TTN: variants seen among roughly 807,000 people sequenced by gnomAD.
TTN encodes the protein titin.
In TTN, 1,525 loss-of-function variants were observed where a neutral mutation model predicts 3,223.0. That is an observed-to-expected ratio of 0.47 (90% confidence interval 0.45 to 0.49). The LOEUF is 0.49. TTN is among the 20% of genes least tolerant of loss of function. The pLI is 0.00. For missense variants in TTN, 40,786 were observed against 43,424.0 expected, an observed-to-expected ratio of 0.94 and a Z score of 5.40; for synonymous variants, 14,094 against 15,161.0, an observed-to-expected ratio of 0.93 and a Z score of 5.17.
chr2:178,775,038 C>T lies in TTN; in HGVS notation c.6673G>A (p.Asp2225Asn). 1 of 1,614,008 alleles carries T rather than the reference C, an allele frequency of 6.2e-7. No homozygotes were observed. Among genetic ancestry groups the T allele is most frequent in the Non-Finnish European group, 8.5e-7 (1 of 1,179,944 alleles). Residue 2225 changes from aspartate to asparagine, a missense_variant, in exon 29 of 363, where the codon GAC becomes AAC. Transcript: ENST00000589042. ...HEGDKYRMHSDRKVHFLSILT... is the reference protein window; with the variant it reads ...HEGDKYRMHSNRKVHFLSILT... Reference sequence around the variant, plus strand: ...ATGGAGAGGAAGTGAACCTTTCTGTCAGAGTGCATCCTGTATTTATCTCCC... The same window carrying T: ...ATGGAGAGGAAGTGAACCTTTCTGTTAGAGTGCATCCTGTATTTATCTCCC...
rs2050867556 is a variant in TTN, at chr2:178,594,050, T to C, written c.58343A>G (p.Lys19448Arg). 1.9e-6 allele frequency: 3 copies of C among 1,613,434 alleles called. No homozygotes were observed. The highest frequency in any genetic ancestry group is 3.3e-5 in the Admixed American group (2 of 59,954). Residue 19448 changes from lysine (K) to arginine (R), a missense_variant, in exon 297 of 363, where the codon AAG becomes AGG. Lys to Arg is a conservative substitution (Grantham distance 26). Coordinates refer to ENST00000589042, the MANE Select transcript of TTN (RefSeq NM_001267550.2). ...TPATLALEKI[K>R]AKRSDSGKYC... ...TTTGCCGGAATCTGAACGTTTGGCC[T>C]TGATCTTCTCTAAAGCAAGTGTTGC...
Position 178,712,703 on chromosome 2 carries a change from T to G in TTN, c.27322A>C (p.Ile9108Leu). 6.2e-7 allele frequency: 1 copy of G among 1,612,656 alleles called. No individual in the cohort carries two copies. Among genetic ancestry groups the G allele is most frequent in the Non-Finnish European group, 8.5e-7 (1 of 1,178,786 alleles). The change falls in exon 94 of 363, where the codon ATA becomes CTA. Residue 9108 changes from isoleucine to leucine, a missense_variant. Ile to Leu is a conservative substitution (Grantham distance 5). Transcript: ENST00000589042. ...GKASCTTHLY[I>L]KAPAKFVKRL... Reference sequence around the variant, plus strand: ...GAAGAGCAGTCTGACAAACCTTTTATGTAGAGATGTGTTGTACAAGAAGCC... The same window carrying G: ...GAAGAGCAGTCTGACAAACCTTTTAGGTAGAGATGTGTTGTACAAGAAGCC...
chr2:178,799,367 A>G, intron 6 of TTN, 120 bp downstream of exon 6: 1 of 1,492,078 alleles, frequency 6.7e-7, no homozygotes, highest in South Asian at 1.2e-5. Flanking sequence ...GCAGCGGGAC[A>G]CTGAAGAAGC....
rs1691033741 is a variant in TTN at position 178,535,525 on chromosome 2, T to G, written c.101090A>C (p.Lys33697Thr). 1 of 1,613,896 alleles carries G rather than the reference T, an allele frequency of 6.2e-7. No homozygotes were observed. The highest frequency in any genetic ancestry group is 8.5e-7 in the Non-Finnish European group (1 of 1,179,824). ...ADVPDPPRGVKVSDVSRDSVN... is the reference protein window; with the variant it reads ...ADVPDPPRGVTVSDVSRDSVN... Reference sequence around the variant, plus strand: ...AGAATCTCGTGAGACATCACTAACTTTGACTCCTCTGGGTGGGTCAGGAAC... The same window carrying G: ...AGAATCTCGTGAGACATCACTAACTGTGACTCCTCTGGGTGGGTCAGGAAC... The change falls in exon 358 of 363, where the codon AAA becomes ACA. Residue 33697 changes from lysine (K) to threonine (T), a missense_variant. By Grantham distance (78) the Lys-to-Thr change is moderately conservative. Coordinates refer to ENST00000589042, the MANE Select transcript of TTN (RefSeq NM_001267550.2).
Position 178,576,730 on chromosome 2 carries a change from T to C in TTN, c.69514A>G (p.Thr23172Ala). ...RPVDDGGSEITGYHVERREKK... is the reference protein window; with the variant it reads ...RPVDDGGSEIAGYHVERREKK... ...TCTCTCCTTTCTACATGATATCCTG[T>C]AATTTCGCTGCCACCATCATCCACT... is the stretch of plus-strand genomic sequence containing the variant. The change falls in exon 325 of 363, where the codon ACA becomes GCA. Residue 23172 changes from threonine to alanine, a missense_variant. Physicochemically the swap from Thr to Ala is moderately conservative, Grantham distance 58. Transcript: ENST00000589042. This position sits in a 1 kb window ranked among gnomAD's most constrained non-coding sequence, Gnocchi z 4.3. 1 of 1,613,562 alleles carries C rather than the reference T, an allele frequency of 6.2e-7. No individual in the cohort carries two copies. The highest frequency in any genetic ancestry group is 8.5e-7 in the Non-Finnish European group (1 of 1,179,610).
In TTN at chr2:178,575,338, T is replaced by C; in HGVS notation, c.70794A>G (p.Gly23598=). The change falls in exon 326 of 363, where the codon GGA becomes GGG. Residue 23598 remains glycine, a synonymous_variant. Coordinates refer to ENST00000589042, the MANE Select transcript of TTN (RefSeq NM_001267550.2). The surrounding 1 kb of genome is among the most constrained non-coding windows in gnomAD (Gnocchi z 4.0). ...LECVVRNLTE[G]EEYTFQVMAV... is the part of the protein sequence containing the mutation. ...CCATCACTTGGAAGGTATATTCCTC[T>C]CCTTCAGTTAGATTCCTCACAACAC... 6.2e-7 allele frequency: 1 copy of C among 1,613,558 alleles called. No individual in the cohort carries two copies. Among genetic ancestry groups the C allele is most frequent in the Non-Finnish European group, 8.5e-7 (1 of 1,179,656 alleles).
At position 178,554,118 on chromosome 2, in the gene TTN, T is replaced by A; in HGVS notation, c.88993A>T (p.Ile29665Leu). The change falls in exon 333 of 363, where the codon ATA becomes TTA. Residue 29665 changes from isoleucine to leucine, a missense_variant. Transcript: ENST00000589042. ...CGTTTTTCAAGGAAATAGCCACTTA[T>A]ATCACTACCGCCATCTGCAATTGGC... Reference protein sequence around the residue: ...SRPIADGGSDISGYFLEKRDK... With the variant: ...SRPIADGGSDLSGYFLEKRDK... 6.2e-7 allele frequency: 1 copy of A among 1,613,894 alleles called. No individual in the cohort carries two copies. The highest frequency in any genetic ancestry group is 8.5e-7 in the Non-Finnish European group (1 of 1,179,818).
chr2:178,583,055 C>T lies in TTN; in HGVS notation c.65748G>A (p.Arg21916=). The change falls in exon 313 of 363, where the codon CGG becomes CGA. Residue 21916 remains arginine, a synonymous_variant. Transcript: ENST00000589042. ...PAEGIKMAMQ[R]NLCTLELFSV... ...TGAATAGCTCCAAGGTGCACAGATT[C>T]CGCTGCATGGCCATCTTTATGCCTT... 3.1e-6 allele frequency: 5 copies of T among 1,611,294 alleles called. No individual in the cohort carries two copies. Among genetic ancestry groups the T allele is most frequent in the Non-Finnish European group, 3.4e-6 (4 of 1,178,496 alleles).
chr2:178,707,286 T>C (rs947017148), intron 100 of TTN, among the ~76,000 whole-genome samples: 1 of 152,224 alleles, frequency 6.6e-6, no homozygotes, highest in East Asian at 1.9e-4. Context: ...TTAATGGATA[T>C]GGTGAAAAGA....
chr2:178,757,229 A>ACTGTACTTGCTTTATGT (rs1398848581), intron 45 of TTN, among the ~76,000 whole-genome samples: 1 of 149,626 alleles, frequency 6.7e-6, no homozygotes, highest in Non-Finnish European at 1.5e-5. Context: ...AGTAAGTAAT[A>ACTGTACTTGCTTTATGT]ATCAGCAAAT....
rs568377742 is a variant in TTN, at chr2:178,691,011, C to T, written c.31762+1005G>A. ...AACAATGGATTTAATTTATCTAAGA[C>T]GATCTGTCTCAAGTAGCTTTAGTAT... On this transcript the variant is annotated intron_variant, in intron 121 of 362. Transcript: ENST00000589042. Among the ~76,000 whole-genome samples, 23 of 152,200 alleles carry T rather than the reference C, an allele frequency of 1.5e-4. No individual in the cohort carries two copies. In the South Asian group the frequency reaches 4.6e-3, roughly 30 times the overall value.
Position 178,727,621 on chromosome 2 carries a change from C to G in TTN, c.19957G>C (p.Gly6653Arg). The G allele has an allele frequency of 6.3e-7, 1 of 1,596,990 alleles. No individual in the cohort carries two copies. Among genetic ancestry groups the G allele is most frequent in the Non-Finnish European group, 8.5e-7 (1 of 1,171,706 alleles). ...AACATCGTAGTACAAGAGTCGCTAC[C>G]AACATCATTGGTAACATGGCAAGTA... ...QYTCHVTNDV[G>R]SDSCTTMLLV... is the part of the protein sequence containing the mutation. Residue 6653 changes from glycine (G) to arginine (R), a missense_variant, in exon 68 of 363, where the codon GGT becomes CGT. Gly to Arg is a moderately radical substitution (Grantham distance 125, BLOSUM62 -2). Coordinates refer to ENST00000589042, the MANE Select transcript of TTN (RefSeq NM_001267550.2).
chr2:178,652,531 A>G lies in TTN; in HGVS notation c.39054T>C (p.Ala13018=), dbSNP rs758892590. ...TCTTTTCAGGAACAACTTCTTTCGG[A>G]GCCTCTGGCACTTAAAAGATATTAG... ...PEVPPVKVPE[A]PKEVVPEKKV... The change falls in exon 202 of 363, where the codon GCT becomes GCC. Residue 13018 remains alanine (A), a synonymous_variant. Transcript: ENST00000589042. The G allele has an allele frequency of 6.2e-7, 1 of 1,613,482 alleles. No individual in the cohort carries two copies.
At chr2:178,761,244 T>C (rs2089126728) in intron 43 of TTN, among the ~76,000 whole-genome samples, 1 of 152,138 alleles carries the variant, frequency 6.6e-6, no homozygotes, top group African/African-American at 2.4e-5. Flanking sequence ...ACTGCCAGTC[T>C]TGCCTCCCAC....
intron 43 of TTN, among the ~76,000 whole-genome samples, chr2:178,763,031 G>C (rs1442104955): frequency 6.6e-6 from 1 of 152,210 alleles, no homozygotes; most frequent in African/African-American, 2.4e-5. Flanking sequence ...ACAAGGTAGA[G>C]ATTGGATTAT....
chr2:178,591,006 C>T lies in TTN; in HGVS notation c.60719G>A (p.Cys20240Tyr), dbSNP rs1054918425. 5.0e-6 allele frequency: 8 copies of T among 1,613,500 alleles called. No homozygotes were observed. The highest frequency in any genetic ancestry group is 2.2e-5 in the East Asian group (1 of 44,820). ...TGCTCTAACTCGGAAAACATATTCA[C>T]AGCCCTTCTGCAGATGTGGGATTTT... Reference protein sequence around the residue: ...KLKIPHLQKGCEYVFRVRAEN... With the variant: ...KLKIPHLQKGYEYVFRVRAEN... Residue 20240 changes from cysteine to tyrosine, a missense_variant, in exon 304 of 363, where the codon TGT becomes TAT. Coordinates refer to ENST00000589042, the MANE Select transcript of TTN (RefSeq NM_001267550.2).
chr2:178,747,132 C>T (rs759923770), intron 47 of TTN: 60 of 1,605,916 alleles, frequency 3.7e-5, no homozygotes, highest in Non-Finnish European at 4.8e-5. Flanking sequence ...TCCAGAGTCT[C>T]TCCTGGGGGT....
chr2:178,600,047 G>A (rs542902015), intron 288 of TTN, among the ~76,000 whole-genome samples, 197 bp from the exon 289 acceptor site: 1 of 151,968 alleles, frequency 6.6e-6, no homozygotes, highest in East Asian at 2.0e-4. Context: ...ATCTTTTATT[G>A]GATCTACATG....
chr2:178,708,284 GTGAT>G (rs553344367), intron 99 of TTN, among the ~76,000 whole-genome samples: 306 of 152,276 alleles, frequency 2.0e-3, no homozygotes, highest in Middle Eastern at 6.8e-3. Context: ...ATATTTATAT[GTGAT>G]TTTCTCTGAT....
Sources: gnomAD v4.1 joint callset for allele counts (sites outside exome capture counted in the v4.1 genomes callset) on GRCh38, gnomAD v4.1.1 for gene constraint, Gnocchi (gnomAD v3.1) non-coding constraint, MANE v1.5 for transcripts, NCBI Gene and HGNC (gene_info 2026-07-23, HGNC 2026-07-21) for gene names.